Variants in CSMD1 observed in about 807,000 individuals in gnomAD.
The protein encoded by CSMD1 is CUB and Sushi multiple domains 1.
CSMD1 carries 213 observed loss-of-function variants against 417.5 expected under a neutral mutation model. That is an observed-to-expected ratio of 0.51 (90% confidence interval 0.46 to 0.57). CSMD1 has a LOEUF of 0.57. Ranked by LOEUF, CSMD1 falls within the 20% of genes least tolerant of loss-of-function variation. CSMD1 has a pLI of 0.00. For missense variants in CSMD1, 6,923 were observed against 4,529.7 expected, an observed-to-expected ratio of 1.53 and a Z score of -15.17; for synonymous variants, 2,862 against 1,736.8, an observed-to-expected ratio of 1.65 and a Z score of -16.11.
rs1554520854 is a variant in CSMD1, at chr8:3,720,620, T to TACACACAC, written c.932-12137_932-12130dup. Among the ~76,000 whole-genome samples, 190 of 143,418 alleles carry TACACACAC rather than the reference T, an allele frequency of 1.3e-3. 1 individual carries two copies. Among genetic ancestry groups the TACACACAC allele is most frequent in the African/African-American group, 3.0e-3 (112 of 37,934 alleles). 94.1% of individuals were successfully genotyped at this position (143,418 alleles called of 152,430 possible). A position where few individuals can be genotyped will look rare whatever the true frequency, so the allele number is the denominator to read the frequency against. On this transcript the variant is annotated intron_variant, in intron 6 of 69. Coordinates refer to ENST00000635120, the MANE Select transcript of CSMD1 (RefSeq NM_033225.6). ...CATTGGTGGTCAAAGTCTTTATTCT[T>TACACACAC]ACACACACACACACACACACACACA...
intron 29 of CSMD1, 117 bp from the exon 30 acceptor site, chr8:3,214,808 A>G: frequency 1.7e-6 from 1 of 592,986 alleles, no homozygotes; most frequent in East Asian, 3.0e-5. Flanking sequence ...AATGTCCTAA[A>G]TAAGTAAGAA....
chr8:4,450,794 C>T (rs961627047), intron 2 of CSMD1, among the ~76,000 whole-genome samples: 1 of 152,124 alleles, frequency 6.6e-6, no homozygotes, highest in Admixed American at 6.5e-5. Context: ...TTTCATTTTG[C>T]TTTCATTTAC....
intron 3 of CSMD1, among the ~76,000 whole-genome samples, chr8:4,345,201 C>G (rs1167427025): frequency 1.3e-5 from 2 of 152,060 alleles, no homozygotes; most frequent in African/African-American, 4.8e-5. Flanking sequence ...CATTGATGAC[C>G]AACGCTAACA....
chr8:4,186,349 G>C (rs574997257), intron 3 of CSMD1, among the ~76,000 whole-genome samples: 1 of 152,118 alleles, frequency 6.6e-6, no homozygotes. Context: ...CCAGCCCTGG[G>C]CTGATTCCTA....
intron 3 of CSMD1, among the ~76,000 whole-genome samples, chr8:4,057,284 T>G (rs1480522182): frequency 2.0e-5 from 3 of 152,208 alleles, no homozygotes; most frequent in African/African-American, 4.8e-5. Context: ...TGATGGCCAG[T>G]GATGGTGAGC....
rs778443925 is a variant in CSMD1, at chr8:3,110,258, T to G, written c.6508A>C (p.Lys2170Gln). The G allele has an allele frequency of 3.1e-6, 5 of 1,613,496 alleles. No individual in the cohort carries two copies. In the South Asian group the frequency reaches 5.5e-5, roughly 18 times the overall value. The change falls in exon 43 of 70, where the codon AAG becomes CAG. Residue 2170 changes from lysine (K) to glutamine (Q), a missense_variant. Lys to Gln is a moderately conservative substitution (Grantham distance 53). Coordinates refer to ENST00000635120, the MANE Select transcript of CSMD1 (RefSeq NM_033225.6). ...PGFPDEYPIL[K>Q]DCIWLITVPP... ...ACCGTGATGAGCCAAATGCAGTCCT[T>G]CAGGATCGGATACTCATCAGGAAAG...
At chr8:4,841,096 C>A (rs760034858) in intron 1 of CSMD1, among the ~76,000 whole-genome samples, 4 of 152,300 alleles carry the variant, frequency 2.6e-5, no homozygotes, top group Non-Finnish European at 5.9e-5. Flanking sequence ...TCTAAAGGAT[C>A]TTTGTCGACT....
At chr8:3,248,828 T>A (rs1374338896) in intron 26 of CSMD1, among the ~76,000 whole-genome samples, 1 of 152,110 alleles carries the variant, frequency 6.6e-6, no homozygotes. Context: ...TAAATTCTAC[T>A]TACTCTGTTA....
intron 3 of CSMD1, among the ~76,000 whole-genome samples, chr8:4,353,641 G>C (rs973672539): frequency 3.3e-5 from 5 of 151,936 alleles, no homozygotes; most frequent in African/African-American, 1.2e-4. Context: ...AACGGGACAG[G>C]CTAAACCTTC....
At chr8:4,787,523 G>T (rs921313166) in intron 1 of CSMD1, 2 of 1,124,122 alleles carry the variant, frequency 1.8e-6, no homozygotes, top group African/African-American at 3.0e-5. Flanking sequence ...ATTATAGGAA[G>T]CAGGTATTAA....
rs60439183 is a variant in CSMD1, at chr8:3,266,604, C to CAAAAA, written c.4153+17535_4153+17539dup. 7.7e-3 allele frequency among the ~76,000 whole-genome samples: 197 copies of CAAAAA among 25,516 alleles called. 12 individuals are homozygous for CAAAAA. The highest frequency in any genetic ancestry group is 0.022 in the African/African-American group (118 of 5,412). 16.7% of individuals were successfully genotyped at this position (25,516 alleles called of 152,430 possible). On this transcript the variant is annotated intron_variant, in intron 26 of 69. Transcript: ENST00000635120. Reference sequence around the variant, plus strand: ...CTGGTGGCAGAGTGAGACTCCCTCTCAAAAAAAAAAAAAAAAAAAAAAAAG... The same window carrying CAAAAA: ...CTGGTGGCAGAGTGAGACTCCCTCTCAAAAAAAAAAAAAAAAAAAAAAAAAAAAAG...
intron 2 of CSMD1, among the ~76,000 whole-genome samples, chr8:4,611,172 T>C (rs934964582): frequency 6.6e-6 from 1 of 152,194 alleles, no homozygotes; most frequent in South Asian, 2.1e-4. Context: ...TATATGGGTT[T>C]ATAGATACAT....
At chr8:4,273,672 G>C (rs149567458) in intron 3 of CSMD1, among the ~76,000 whole-genome samples, 1 of 152,114 alleles carries the variant, frequency 6.6e-6, no homozygotes, top group African/African-American at 2.4e-5. Flanking sequence ...GTAGCAAATA[G>C]TTTATAACCT....
chr8:3,211,793 T>C (rs1253393036), intron 30 of CSMD1, among the ~76,000 whole-genome samples: 1 of 152,210 alleles, frequency 6.6e-6, no homozygotes, highest in Non-Finnish European at 1.5e-5. Flanking sequence ...CTCAAGACCT[T>C]GGACAGCAGC....
At chr8:3,245,402 C>A (rs1799810891) in intron 26 of CSMD1, among the ~76,000 whole-genome samples, 1 of 152,200 alleles carries the variant, frequency 6.6e-6, no homozygotes, top group Non-Finnish European at 1.5e-5. Flanking sequence ...AGACTTTTCC[C>A]CCTCTCTTTC....
At chr8:4,874,229 A>C (rs1471102838) in intron 1 of CSMD1, among the ~76,000 whole-genome samples, 1 of 152,086 alleles carries the variant, frequency 6.6e-6, no homozygotes, top group Non-Finnish European at 1.5e-5. Context: ...CCACTGTATA[A>C]TTGGCCGTGG....
chr8:4,249,975 G>A (rs1462308283), intron 3 of CSMD1, among the ~76,000 whole-genome samples: 1 of 152,104 alleles, frequency 6.6e-6, no homozygotes, highest in Non-Finnish European at 1.5e-5. Context: ...CCCATATAAA[G>A]AGGAGCTGGG....
intron 6 of CSMD1, among the ~76,000 whole-genome samples, chr8:3,752,049 A>G (rs1481643738): frequency 6.6e-6 from 1 of 152,108 alleles, no homozygotes; most frequent in East Asian, 1.9e-4. Flanking sequence ...ACCAGACCAC[A>G]TGGAGTCTTC....
chr8:3,240,599 G>C (rs559069822), intron 26 of CSMD1, among the ~76,000 whole-genome samples: 3 of 152,010 alleles, frequency 2.0e-5, no homozygotes, highest in Non-Finnish European at 4.4e-5. Context: ...AGTACAGCCC[G>C]GGTAATCTGC....
Sources: allele counts gnomAD v4.1 joint callset (sites outside exome capture counted in the v4.1 genomes callset), GRCh38; gene constraint gnomAD v4.1.1; transcripts MANE v1.5; gene names NCBI Gene and HGNC (gene_info 2026-07-23, HGNC 2026-07-21).